The following PDE3A variants were observed in gnomAD, a reference collection of about 807,000 sequenced individuals.
The protein encoded by PDE3A is phosphodiesterase 3A.
PDE3A carries 43 observed loss-of-function variants against 98.3 expected under a neutral mutation model. The ratio of observed to expected loss-of-function variants is 0.44; its 90% CI spans 0.34 to 0.56. The LOEUF is 0.56. Among genes scored for constraint, PDE3A ranks in the 20% least tolerant of loss-of-function variants. The pLI is 0.01. For synonymous variants in PDE3A, 663 were observed against 567.9 expected (o/e 1.17, Z -2.38); for missense variants, 1,427 against 1,440.7 (o/e 0.99, Z 0.15).
chr12:20,414,513 T>A (rs1944388320), intron 1 of PDE3A, among the ~76,000 whole-genome samples: 1 of 152,234 alleles, frequency 6.6e-6, no homozygotes, highest in Admixed American at 6.5e-5. Context: ...CAGCTTCCTA[T>A]TGATATTTTG....
intron 1 of PDE3A, among the ~76,000 whole-genome samples, chr12:20,556,380 C>T (rs1283444721): frequency 2.6e-5 from 4 of 152,084 alleles, no homozygotes; most frequent in Admixed American, 2.0e-4. Context: ...TAAAGCTTTA[C>T]ATGGTTTAAC....
rs1321058034 is a variant in PDE3A at position 20,657,147 on chromosome 12, C to T, written c.3184+2942C>T. Among the ~76,000 whole-genome samples, 8 of 152,180 alleles carry T rather than the reference C, an allele frequency of 5.3e-5. No homozygotes were observed. In the East Asian group the frequency reaches 1.5e-3, roughly 29 times the overall value. ...AACCAAGAAAATGATAAATATGGAGCAACATTAGTATTTACCAAATATTGG... is the reference window on the plus strand; with the variant it reads ...AACCAAGAAAATGATAAATATGGAGTAACATTAGTATTTACCAAATATTGG... On this transcript the variant is annotated intron_variant, in intron 15 of 15. Coordinates refer to ENST00000359062, the MANE Select transcript of PDE3A (RefSeq NM_000921.5).
chr12:20,682,257 A>G lies in PDE3A; in HGVS notation c.*1986A>G, dbSNP rs1420633054. The G allele has an allele frequency of 6.6e-6, 1 of 152,186 alleles. No individual in the cohort carries two copies. Among genetic ancestry groups the G allele is most frequent in the African/African-American group, 2.4e-5 (1 of 41,452 alleles). 9.4% of individuals were successfully genotyped at this position (152,186 alleles called of 1,614,324 possible). The stretch of plus-strand genomic sequence containing the variant: ...ATGATTCTTCCTTGAGTACTTATAT[A>G]CAGACCTGCTCATTATCTAAACAAT... On this transcript the variant is annotated 3_prime_UTR_variant, in exon 16 of 16. Transcript: ENST00000359062.
At chr12:20,621,507 A>C in intron 5 of PDE3A, 96 bp downstream of exon 5, 1 of 677,402 alleles carries the variant, frequency 1.5e-6, no homozygotes, top group South Asian at 1.7e-5. Context: ...GGTGCCCTAT[A>C]TTCAGATATG....
intron 1 of PDE3A, among the ~76,000 whole-genome samples, chr12:20,420,683 G>A (rs1944497838): frequency 6.6e-6 from 1 of 152,082 alleles, no homozygotes; most frequent in Non-Finnish European, 1.5e-5. Context: ...ACTTTTTATT[G>A]TTGTATGGAG....
intron 1 of PDE3A, among the ~76,000 whole-genome samples, chr12:20,525,962 A>G (rs1247698345): frequency 6.6e-6 from 1 of 152,190 alleles, no homozygotes; most frequent in Non-Finnish European, 1.5e-5. Context: ...GAAAAACAAT[A>G]ATCACTTTTC....
intron 1 of PDE3A, among the ~76,000 whole-genome samples, chr12:20,448,727 C>T (rs553970633): frequency 7.2e-6 from 1 of 139,760 alleles, no homozygotes; most frequent in South Asian, 2.4e-4. Context: ...ACCTGCGTTA[C>T]ATTATTTAAA....
intron 1 of PDE3A, among the ~76,000 whole-genome samples, chr12:20,493,808 T>G (rs112210472): frequency 0.033 from 5,088 of 152,304 alleles, 123 homozygotes; most frequent in South Asian, 0.064. Flanking sequence ...TTTTGTATTT[T>G]TAGTAGAGAC....
intron 1 of PDE3A, among the ~76,000 whole-genome samples, chr12:20,406,369 G>A (rs1042329743): frequency 1.7e-4 from 26 of 152,072 alleles, no homozygotes; most frequent in Non-Finnish European, 2.2e-4. Flanking sequence ...AAGGGTTCCC[G>A]TTTTTCCACA....
intron 3 of PDE3A, among the ~76,000 whole-genome samples, 162 bp from the exon 4 acceptor site, chr12:20,616,068 A>T (rs904854849): frequency 1.5e-5 from 2 of 133,428 alleles, no homozygotes; most frequent in Admixed American, 8.1e-5. Flanking sequence ...AGAGTCTTTT[A>T]TTAAATTTCT....
intron 1 of PDE3A, among the ~76,000 whole-genome samples, chr12:20,382,294 G>A (rs960641023): frequency 5.3e-5 from 8 of 151,894 alleles, no homozygotes; most frequent in Non-Finnish European, 7.4e-5. Flanking sequence ...TGTACAGGAA[G>A]TTCTGACTTT....
At chr12:20,448,177 C>T (rs753964869) in intron 1 of PDE3A, among the ~76,000 whole-genome samples, 5 of 152,104 alleles carry the variant, frequency 3.3e-5, no homozygotes, top group Admixed American at 6.5e-5. Context: ...GGCTCACGCC[C>T]GTAATCCTAG....
intron 1 of PDE3A, among the ~76,000 whole-genome samples, chr12:20,435,456 CT>C (rs904742404): frequency 6.6e-6 from 1 of 151,392 alleles, no homozygotes. Flanking sequence ...CACTGATATT[CT>C]TTTTTTTTCC....
chr12:20,422,339 G>A (rs1480714857), intron 1 of PDE3A, among the ~76,000 whole-genome samples: 1 of 150,554 alleles, frequency 6.6e-6, no homozygotes, highest in Non-Finnish European at 1.5e-5. Context: ...GCGAGACTCT[G>A]TCTCAAAAAA....
chr12:20,663,554 A>G (rs993668726), intron 15 of PDE3A, among the ~76,000 whole-genome samples: 6 of 152,288 alleles, frequency 3.9e-5, no homozygotes, highest in African/African-American at 1.4e-4. Flanking sequence ...GAGTCAAAGG[A>G]GATCATTTTT....
intron 1 of PDE3A, among the ~76,000 whole-genome samples, chr12:20,401,914 G>T (rs1476449671): frequency 1.3e-5 from 2 of 152,150 alleles, no homozygotes; most frequent in African/African-American, 4.8e-5. Context: ...TTGAATGCAG[G>T]TAGTGCTTGG....
intron 3 of PDE3A, among the ~76,000 whole-genome samples, chr12:20,614,922 TTGTGGTTCTG>T (rs1943962188): frequency 6.6e-6 from 1 of 152,010 alleles, no homozygotes; most frequent in Non-Finnish European, 1.5e-5. Context: ...TAAAAGTGGG[TTGTGGTTCTG>T]TGTGTTATGA....
At chr12:20,480,796 A>C (rs188189316) in intron 1 of PDE3A, among the ~76,000 whole-genome samples, 115 of 152,372 alleles carry the variant, frequency 7.5e-4, no homozygotes, top group African/African-American at 2.7e-3. Flanking sequence ...TTTCACAAAG[A>C]TAAGTTCTAG....
chr12:20,410,013 CTT>C (rs1239623354), intron 1 of PDE3A, among the ~76,000 whole-genome samples: 4 of 152,178 alleles, frequency 2.6e-5, no homozygotes, highest in African/African-American at 7.2e-5. Flanking sequence ...TGCCTTGTAA[CTT>C]TGACTCCTTT....
Sources: allele counts gnomAD v4.1 joint callset (sites outside exome capture counted in the v4.1 genomes callset), GRCh38; gene constraint gnomAD v4.1.1; transcripts MANE v1.5; gene names NCBI Gene and HGNC (gene_info 2026-07-23, HGNC 2026-07-21).